Variants in FKBP5 observed in about 807,000 individuals in gnomAD.
FKBP5 encodes peptidyl-prolyl cis-trans isomerase FKBP5.
In FKBP5, 23 loss-of-function variants were observed where a neutral mutation model predicts 50.5. The observed-to-expected ratio is 0.46, with a 90% CI of 0.33 to 0.65. The LOEUF (loss-of-function observed/expected upper bound fraction) is 0.65, where lower values mean the gene tolerates loss of function less well. FKBP5 is among the 30% of genes least tolerant of loss of function. FKBP5 has a pLI of 0.02. For missense variants in FKBP5, 411 were observed against 553.1 expected (o/e 0.74, Z 2.58); for synonymous variants, 176 against 190.6 (o/e 0.92, Z 0.63).
At chr6:35,605,179 T>C (rs1763269459) in intron 5 of FKBP5, among the ~76,000 whole-genome samples, 1 of 152,132 alleles carries the variant, frequency 6.6e-6, no homozygotes, top group Admixed American at 6.6e-5. Flanking sequence ...TTGGAAATTC[T>C]ACATGCTATT....
chr6:35,631,100 G>A (rs1764138873), intron 3 of FKBP5, among the ~76,000 whole-genome samples: 1 of 152,138 alleles, frequency 6.6e-6, no homozygotes, highest in South Asian at 2.1e-4. Flanking sequence ...AAAAACCAAG[G>A]TGAGATACTA....
intron 9 of FKBP5, 99 bp downstream of exon 9, chr6:35,579,937 G>T: frequency 1.1e-6 from 1 of 927,096 alleles, no homozygotes; most frequent in Middle Eastern, 3.1e-4. Context: ...AAAGCAAAAT[G>T]AAAAATCCTG....
chr6:35,716,056 G>GT (rs1766505993), intron 2 of FKBP5, among the ~76,000 whole-genome samples: 1 of 152,150 alleles, frequency 6.6e-6, no homozygotes, highest in Non-Finnish European at 1.5e-5. Context: ...GAAAGTTTCT[G>GT]TCATGCAACA....
chr6:35,592,566 A>C (rs1010470162), intron 6 of FKBP5, among the ~76,000 whole-genome samples: 1 of 152,214 alleles, frequency 6.6e-6, no homozygotes, highest in African/African-American at 2.4e-5. Context: ...CATCTAATAA[A>C]TTTTAAAAAA....
chr6:35,605,650 G>A (rs781107978), intron 5 of FKBP5, among the ~76,000 whole-genome samples: 3 of 151,724 alleles, frequency 2.0e-5, no homozygotes, highest in Non-Finnish European at 2.9e-5. Flanking sequence ...CTCCTGCCTC[G>A]GCCTTCCAAA....
Position 35,660,709 on chromosome 6 carries a change from T to A in FKBP5, c.-19-17866A>T, listed in dbSNP as rs188123934. ...TCAATTAGGTTAGTTGACAATGTAG[T>A]TCACATCTTCTAAATTATTTTTTGT... is the stretch of plus-strand genomic sequence containing the variant. On this transcript the variant is annotated intron_variant, in intron 1 of 10. Transcript: ENST00000357266. Among the ~76,000 whole-genome samples, 263 of 83,992 alleles carry A rather than the reference T, an allele frequency of 3.1e-3. 88 individuals are homozygous for A. The highest frequency in any genetic ancestry group is 9.1e-3 in the African/African-American group (247 of 27,174). The allele number at this position is 83,992 out of a possible 152,430, so 55.1% of individuals were successfully genotyped here.
chr6:35,651,846 G>A, intron 1 of FKBP5: 4 of 871,708 alleles, frequency 4.6e-6, no homozygotes, highest in Non-Finnish European at 6.2e-6. Flanking sequence ...TGTTTAACTT[G>A]TGGACAAAGA....
intron 7 of FKBP5, among the ~76,000 whole-genome samples, chr6:35,588,958 G>C (rs1036481793): frequency 6.6e-5 from 10 of 150,656 alleles, no homozygotes; most frequent in African/African-American, 2.4e-4. Context: ...GCCCAAGCTG[G>C]TTTTGAACTC....
chr6:35,631,699 G>C (rs1764160129), intron 3 of FKBP5, among the ~76,000 whole-genome samples: 1 of 152,146 alleles, frequency 6.6e-6, no homozygotes, highest in Non-Finnish European at 1.5e-5. Flanking sequence ...GCTCACGCCT[G>C]TAATCTCAGC....
At chr6:35,663,273 T>C (rs779839524) in intron 1 of FKBP5, among the ~76,000 whole-genome samples, 1 of 152,160 alleles carries the variant, frequency 6.6e-6, no homozygotes, top group Non-Finnish European at 1.5e-5. Context: ...GGGAGCTGCA[T>C]GTGATCCCAC....
chr6:35,696,743 C>G (rs374108005), intron 2 of FKBP5, among the ~76,000 whole-genome samples: 1 of 151,936 alleles, frequency 6.6e-6, no homozygotes, highest in Non-Finnish European at 1.5e-5. Flanking sequence ...CAAGAATAGC[C>G]AAAACAATGT....
Position 35,620,141 on chromosome 6 carries a change from G to T in FKBP5, c.384C>A (p.Leu128=). 1.9e-6 allele frequency: 3 copies of T among 1,614,160 alleles called. No homozygotes were observed. The highest frequency in any genetic ancestry group is 2.5e-6 in the Non-Finnish European group (3 of 1,180,018). ...TCACACACATACTTGCCTCAAAAAA[G>T]AGAGTTGCATTCGAGGGAATTTTAG... ...SLPKIPSNAT[L]FFEIELLDFK... The change falls in exon 4 of 11, where the codon CTC becomes CTA. Residue 128 remains leucine (L), a synonymous_variant. Coordinates refer to ENST00000357266, the MANE Select transcript of FKBP5 (RefSeq NM_004117.4).
At chr6:35,708,224 A>G (rs750314686) in intron 2 of FKBP5, among the ~76,000 whole-genome samples, 12 of 152,190 alleles carry the variant, frequency 7.9e-5, no homozygotes, top group Non-Finnish European at 1.8e-4. Flanking sequence ...AGGTCTGCCA[A>G]CTGGTTAAAT....
chr6:35,616,089 T>G (rs1763646107), intron 5 of FKBP5, among the ~76,000 whole-genome samples: 2 of 151,842 alleles, frequency 1.3e-5, no homozygotes, highest in Admixed American at 6.6e-5. Context: ...GAGGCGGGTG[T>G]ATCACCCAAG....
chr6:35,583,158 A>G, intron 8 of FKBP5: 1 of 985,406 alleles, frequency 1.0e-6, no homozygotes, highest in Non-Finnish European at 1.2e-6. Flanking sequence ...GGAAATGAAA[A>G]GTGTTGTTTC....
chr6:35,636,673 C>T (rs911838412), intron 3 of FKBP5, among the ~76,000 whole-genome samples: 3 of 152,140 alleles, frequency 2.0e-5, no homozygotes, highest in Admixed American at 1.3e-4. Flanking sequence ...GAAGGAGTGG[C>T]AGTGGAAAAT....
chr6:35,594,467 T>A (rs1269703136), intron 6 of FKBP5, among the ~76,000 whole-genome samples: 1 of 152,106 alleles, frequency 6.6e-6, no homozygotes, highest in Non-Finnish European at 1.5e-5. Flanking sequence ...CTAAGAGCTA[T>A]TTGCAGATAT....
upstream of FKBP5, among the ~76,000 whole-genome samples, chr6:35,693,076 T>TAAAA (rs35498093): frequency 0.039 from 3,174 of 80,666 alleles, 232 homozygotes; most frequent in African/African-American, 0.12. Context: ...TCTTTTCAGC[T>TAAAA]AAAAAAAAAA....
chr6:35,617,689 T>C (rs1019186095), intron 5 of FKBP5, among the ~76,000 whole-genome samples: 4 of 152,230 alleles, frequency 2.6e-5, no homozygotes, highest in African/African-American at 9.6e-5. Flanking sequence ...ACCAAATGTG[T>C]GTCACGCACT....
Sources: gnomAD v4.1 joint callset for allele counts (sites outside exome capture counted in the v4.1 genomes callset) on GRCh38, gnomAD v4.1.1 for gene constraint, MANE v1.5 for transcripts, NCBI Gene and HGNC (gene_info 2026-07-23, HGNC 2026-07-21) for gene names.